The following LPAR1 variants were observed in gnomAD, a reference collection of about 807,000 sequenced individuals.
LPAR1 encodes the protein LPA receptor 1.
LPAR1 carries 5 observed loss-of-function variants against 23.8 expected under a neutral mutation model. That is an observed-to-expected ratio of 0.21 (90% CI 0.11 to 0.44). The LOEUF is 0.44. Among genes scored for constraint, LPAR1 ranks in the 20% least tolerant of loss-of-function variants. The pLI is 0.99. For missense variants in LPAR1, 311 were observed against 482.8 expected (o/e 0.64, Z 3.33); for synonymous variants, 160 against 164.7 (o/e 0.97, Z 0.22).
chr9:110,903,240 C>A (rs2089935443), intron 5 of LPAR1: 1 of 151,994 alleles, frequency 6.6e-6, no homozygotes, highest in Non-Finnish European at 1.5e-5. Flanking sequence ...CAGCCATCCT[C>A]AAAATGGTGT....
At chr9:110,996,862 A>G (rs1435834929) in intron 2 of LPAR1, among the ~76,000 whole-genome samples, 1 of 152,182 alleles carries the variant, frequency 6.6e-6, no homozygotes, top group Non-Finnish European at 1.5e-5. Context: ...AGTGACATAC[A>G]AGGACCCTTC....
chr9:111,037,980 C>T (rs908029962), intron 1 of LPAR1, 187 bp downstream of exon 1: 1 of 152,206 alleles, frequency 6.6e-6, no homozygotes, highest in Non-Finnish European at 1.5e-5. Flanking sequence ...GCCACCCACC[C>T]GCGCCGCGGC....
intron 2 of LPAR1, among the ~76,000 whole-genome samples, chr9:111,033,657 T>C (rs960739666): frequency 4.6e-5 from 7 of 152,186 alleles, no homozygotes; most frequent in Non-Finnish European, 5.9e-5. Context: ...GTTCAAGTGA[T>C]TCTTCTGCCT....
intron 5 of LPAR1, among the ~76,000 whole-genome samples, chr9:110,889,899 G>A (rs2083542111): frequency 6.6e-6 from 1 of 152,074 alleles, no homozygotes; most frequent in Non-Finnish European, 1.5e-5. Flanking sequence ...TACAAATAAT[G>A]AGAAAGAAAT....
At chr9:110,930,784 G>A (rs547697497) in intron 5 of LPAR1, among the ~76,000 whole-genome samples, 259 of 151,976 alleles carry the variant, frequency 1.7e-3, no homozygotes, top group African/African-American at 6.0e-3. Context: ...GCGTGGTGGC[G>A]CGTGCCTATA....
intron 4 of LPAR1, among the ~76,000 whole-genome samples, chr9:110,964,952 C>T (rs1240245704): frequency 4.3e-5 from 6 of 137,974 alleles, no homozygotes; most frequent in Non-Finnish European, 9.2e-5. Flanking sequence ...CAACCTGCCA[C>T]ATTTGCCTCC....
At chr9:110,994,385 A>C (rs935416845) in intron 2 of LPAR1, among the ~76,000 whole-genome samples, 1 of 152,216 alleles carries the variant, frequency 6.6e-6, no homozygotes, top group Non-Finnish European at 1.5e-5. Context: ...ACTATCAAGG[A>C]TATTGTTGTG....
chr9:111,020,458 G>T (rs917074197), intron 2 of LPAR1, among the ~76,000 whole-genome samples: 1 of 152,200 alleles, frequency 6.6e-6, no homozygotes, highest in Admixed American at 6.5e-5. Context: ...AACAATCAGC[G>T]AAGTTCAACT....
intron 2 of LPAR1, among the ~76,000 whole-genome samples, chr9:110,989,020 G>C (rs753892469): frequency 2.6e-5 from 4 of 152,072 alleles, no homozygotes; most frequent in Non-Finnish European, 5.9e-5. Flanking sequence ...TAAGTGAAAA[G>C]CCAATCAAAA....
At chr9:110,963,735 T>G (rs1051575103) in intron 4 of LPAR1, among the ~76,000 whole-genome samples, 4 of 152,162 alleles carry the variant, frequency 2.6e-5, no homozygotes, top group Middle Eastern at 3.2e-3. Context: ...ACGTCAGGTA[T>G]CTATCAAAAG....
At chr9:111,003,711 T>A (rs2097168761) in intron 2 of LPAR1, among the ~76,000 whole-genome samples, 1 of 152,040 alleles carries the variant, frequency 6.6e-6, no homozygotes, top group Non-Finnish European at 1.5e-5. Flanking sequence ...AGAAGCTTCC[T>A]CCTCCACCAT....
rs997921605 is a variant in LPAR1, at chr9:110,973,508, A to G, written c.-131T>C. 1 of 152,218 alleles carries G rather than the reference A, an allele frequency of 6.6e-6. No homozygotes were observed. The highest frequency in any genetic ancestry group is 2.4e-5 in the African/African-American group (1 of 41,448). 9.4% of individuals were successfully genotyped at this position (152,218 alleles called of 1,614,324 possible). A position where few individuals can be genotyped will look rare whatever the true frequency, so the allele number is the denominator to read the frequency against. ...GATGCTGTAGGTGTCAGTCCTGAGA[A>G]GTCAGGTACTCAGATAGGTGGATGG... On this transcript the variant is annotated 5_prime_UTR_variant, in exon 3 of 6. Coordinates refer to ENST00000683809, the MANE Select transcript of LPAR1 (RefSeq NM_001351411.2).
chr9:110,984,909 G>A (rs1297113441), intron 2 of LPAR1, among the ~76,000 whole-genome samples: 1 of 151,812 alleles, frequency 6.6e-6, no homozygotes, highest in Admixed American at 6.6e-5. Flanking sequence ...TTTGAGAAAG[G>A]AGCCAATCAA....
chr9:110,998,814 A>G (rs12347446), intron 2 of LPAR1, among the ~76,000 whole-genome samples: 3,258 of 152,328 alleles, frequency 0.021, 117 homozygotes, highest in African/African-American at 0.074. Flanking sequence ...GTTCATGAGC[A>G]TAAGATCACA....
intron 5 of LPAR1, among the ~76,000 whole-genome samples, chr9:110,913,551 T>C (rs2092714459): frequency 7.6e-6 from 1 of 131,620 alleles, no homozygotes; most frequent in African/African-American, 2.6e-5. Flanking sequence ...TTCATTTTAA[T>C]AAGTATATAT....
chr9:110,986,637 T>C (rs1276866198), intron 2 of LPAR1, among the ~76,000 whole-genome samples: 1 of 149,272 alleles, frequency 6.7e-6, no homozygotes, highest in Admixed American at 6.7e-5. Context: ...TGTGAATATA[T>C]GAAGTGAAGG....
intron 5 of LPAR1, among the ~76,000 whole-genome samples, chr9:110,930,126 A>G (rs532052313): frequency 6.6e-6 from 1 of 152,330 alleles, no homozygotes; most frequent in African/African-American, 2.4e-5. Flanking sequence ...ATAGGTGTCG[A>G]CTTTTCCTGG....
At chr9:110,901,421 A>T (rs2088925930) in intron 5 of LPAR1, among the ~76,000 whole-genome samples, 1 of 152,192 alleles carries the variant, frequency 6.6e-6, no homozygotes, top group Non-Finnish European at 1.5e-5. Context: ...GACATACCTG[A>T]GACTGGGTAA....
chr9:111,009,373 T>TA (rs917622068), intron 2 of LPAR1, among the ~76,000 whole-genome samples: 55 of 148,654 alleles, frequency 3.7e-4, no homozygotes, highest in African/African-American at 5.9e-4. Flanking sequence ...GAATGAGATT[T>TA]AAAAAAAAAA....
Sources: gnomAD v4.1 joint callset for allele counts (sites outside exome capture counted in the v4.1 genomes callset) on GRCh38, gnomAD v4.1.1 for gene constraint, MANE v1.5 for transcripts, NCBI Gene and HGNC (gene_info 2026-07-23, HGNC 2026-07-21) for gene names.